The following KNL1 variants were observed in gnomAD, a reference collection of about 807,000 sequenced individuals.
KNL1 encodes outer kinetochore KNL1 complex subunit KNL1.
A neutral mutation model predicts 201.3 loss-of-function variants in KNL1; 66 were observed. That is an observed-to-expected ratio of 0.33 (90% CI 0.27 to 0.40). The LOEUF (loss-of-function observed/expected upper bound fraction) is 0.40, where lower values mean the gene tolerates loss of function less well. KNL1 is among the 10% of genes least tolerant of loss of function. The probability of loss-of-function intolerance (pLI) is 1.00; values close to 1 mark genes in which losing one functional copy is unlikely to be tolerated. For missense variants in KNL1, 2,815 were observed against 2,690.5 expected (o/e 1.05, Z -1.02); for synonymous variants, 895 against 899.2 (o/e 1.00, Z 0.08).
At chr15:40,654,474 C>G (rs1893660307) in intron 21 of KNL1, among the ~76,000 whole-genome samples, 1 of 150,968 alleles carries the variant, frequency 6.6e-6, no homozygotes, top group Non-Finnish European at 1.5e-5. Context: ...AATAATGATT[C>G]AAGGATAACC....
chr15:40,624,461 G>A lies in KNL1; in HGVS notation c.4197G>A (p.Leu1399=). The change falls in exon 10 of 26, where the codon TTG becomes TTA. Residue 1399 remains leucine, a synonymous_variant. Coordinates refer to ENST00000399668, the MANE Select transcript of KNL1 (RefSeq NM_144508.5). ...QDLIKDPRNL[L]ANQTLVYSQD... is the part of the protein sequence containing the mutation. ...TGATTAAGGATCCACGAAATCTATT[G>A]GCTAATCAAACTTTAGTATATAGTC... The A allele has an allele frequency of 6.2e-7, 1 of 1,613,694 alleles. No individual in the cohort carries two copies. The highest frequency in any genetic ancestry group is 8.5e-7 in the Non-Finnish European group (1 of 1,179,810).
intron 13 of KNL1, among the ~76,000 whole-genome samples, chr15:40,637,544 G>GT (rs1407585137): frequency 6.6e-6 from 1 of 152,112 alleles, no homozygotes; most frequent in Non-Finnish European, 1.5e-5. Context: ...AACCCAAAAT[G>GT]TTTGAGTGCT....
chr15:40,661,598 T>C (rs1243602017), intron 25 of KNL1, among the ~76,000 whole-genome samples: 2 of 152,228 alleles, frequency 1.3e-5, no homozygotes, highest in East Asian at 1.9e-4. Flanking sequence ...CAATTACATA[T>C]AGAATTGGTT....
intron 25 of KNL1, among the ~76,000 whole-genome samples, 169 bp downstream of exon 25, chr15:40,659,630 C>A (rs181328279): frequency 1.7e-3 from 252 of 151,758 alleles, no homozygotes; most frequent in Non-Finnish European, 2.8e-3. Context: ...GTAGCTGGGA[C>A]TACAGGCGCC....
At chr15:40,632,450 T>G (rs1421963209) in intron 13 of KNL1, among the ~76,000 whole-genome samples, 1 of 151,136 alleles carries the variant, frequency 6.6e-6, no homozygotes, top group Non-Finnish European at 1.5e-5. Flanking sequence ...CAAAATGAAA[T>G]AATTAGCCAG....
chr15:40,615,288 A>C (rs1892301238), intron 7 of KNL1, 53 bp from the exon 8 acceptor site: 1 of 535,182 alleles, frequency 1.9e-6, no homozygotes, highest in Non-Finnish European at 3.3e-6. Flanking sequence ...TTATTGAAAG[A>C]TTCTTGGTAA....
At position 40,625,278 on chromosome 15, in the gene KNL1, G is replaced by GAAC; in HGVS notation, c.5016_5018dup (p.Gln1673dup). The GAAC allele has an allele frequency of 6.2e-7, 1 of 1,614,046 alleles. No homozygotes were observed. The highest frequency in any genetic ancestry group is 8.5e-7 in the Non-Finnish European group (1 of 1,179,976). On this transcript the variant is annotated inframe_insertion, in exon 10 of 26. Transcript: ENST00000399668. ...TAGTGTCACTGGTATTGATGACCTG[G>GAAC]AACAGATTCCAGCAGACACAACTGA... is the stretch of plus-strand genomic sequence containing the variant.
chr15:40,620,852 A>G lies in KNL1; in HGVS notation c.588A>G (p.Lys196=), dbSNP rs774842941. 6.3e-7 allele frequency: 1 copy of G among 1,596,040 alleles called. No individual in the cohort carries two copies. The highest frequency in any genetic ancestry group is 8.5e-7 in the Non-Finnish European group (1 of 1,174,516). ...LKLHTEDSRM[K]KEVNFSVDQN... ...TTCACACCGAGGACTCAAGAATGAA[A>G]AAAGAAGTAAATTTTTCCGTGGATC... The change falls in exon 10 of 26, where the codon AAA becomes AAG. Residue 196 remains lysine (K), a synonymous_variant. Transcript: ENST00000399668.
At chr15:40,641,516 T>G (rs1160957685) in intron 14 of KNL1, among the ~76,000 whole-genome samples, 1 of 152,190 alleles carries the variant, frequency 6.6e-6, no homozygotes, top group Non-Finnish European at 1.5e-5. Flanking sequence ...CCAAAATGTT[T>G]TAGCCACCAA....
intron 17 of KNL1, among the ~76,000 whole-genome samples, chr15:40,649,608 A>T (rs1264422074): frequency 3.0e-5 from 4 of 134,152 alleles, no homozygotes; most frequent in East Asian, 2.2e-4. Context: ...TCTTTTATTT[A>T]AAAAAAAAAA....
At position 40,629,329 on chromosome 15, in the gene KNL1, C is replaced by T; in HGVS notation, c.5640C>T (p.His1880=). Residue 1880 remains histidine (H), a synonymous_variant, in exon 13 of 26, where the codon CAC becomes CAT. Coordinates refer to ENST00000399668, the MANE Select transcript of KNL1 (RefSeq NM_144508.5). ...IREFFILLQV[H]ILIQKPRQSN... Reference sequence around the variant, plus strand: ...AGTTCTTTATACTTCTCCAGGTCCACATCTTGATACAGAAACCCCGACAGA... The same window carrying T: ...AGTTCTTTATACTTCTCCAGGTCCATATCTTGATACAGAAACCCCGACAGA... 6.2e-7 allele frequency: 1 copy of T among 1,605,876 alleles called. No individual in the cohort carries two copies.
At chr15:40,625,770 G>T (rs919899701) in intron 10 of KNL1, 130 bp downstream of exon 10, 12 of 670,318 alleles carry the variant, frequency 1.8e-5, no homozygotes, top group Non-Finnish European at 3.1e-5. Flanking sequence ...CACTTAGAGG[G>T]CTGGAGAAAT....
At chr15:40,629,664 C>T (rs1052867100) in intron 13 of KNL1, among the ~76,000 whole-genome samples, 5 of 151,608 alleles carry the variant, frequency 3.3e-5, no homozygotes, top group Admixed American at 6.6e-5. Flanking sequence ...CCACCACACC[C>T]GGCTAATTTT....
chr15:40,647,212 C>T (rs1276973443), intron 17 of KNL1, 138 bp downstream of exon 17: 3 of 535,552 alleles, frequency 5.6e-6, no homozygotes, highest in African/African-American at 2.0e-5. Context: ...AATTGGCTCA[C>T]GCCTGTAATC....
intron 1 of KNL1, among the ~76,000 whole-genome samples, chr15:40,597,968 G>A (rs1005770480): frequency 1.3e-5 from 2 of 152,162 alleles, no homozygotes; most frequent in East Asian, 1.9e-4. Context: ...TGAAGAGTTC[G>A]AGACCAGCCT....
intron 25 of KNL1, among the ~76,000 whole-genome samples, chr15:40,661,078 A>T (rs1391690327): frequency 6.6e-6 from 1 of 151,782 alleles, no homozygotes; most frequent in Non-Finnish European, 1.5e-5. Context: ...CAGAGTTAAA[A>T]ATGTGCTCAC....
At position 40,594,301 on chromosome 15, in the gene KNL1, G is replaced by C. The variant is rs1055268372; in HGVS notation, c.-109G>C. ...CGGGCGTTGTGAGCGGACTGCTAGA[G>C]GCGGCTGTCTGTTTCCGCTCTAAGG... On this transcript the variant is annotated 5_prime_UTR_variant, in exon 1 of 26. Transcript: ENST00000399668. 6.6e-5 allele frequency: 10 copies of C among 152,306 alleles called. No individual in the cohort carries two copies. In the East Asian group the frequency reaches 1.9e-3, roughly 29 times the overall value. The allele number at this position is 152,306 out of a possible 1,614,324, so 9.4% of individuals were successfully genotyped here.
chr15:40,620,691 G>A lies in KNL1; in HGVS notation c.427G>A (p.Val143Ile). 6.2e-7 allele frequency: 1 copy of A among 1,602,594 alleles called. No homozygotes were observed. The highest frequency in any genetic ancestry group is 8.5e-7 in the Non-Finnish European group (1 of 1,176,866). Residue 143 changes from valine (V) to isoleucine (I), a missense_variant, in exon 10 of 26, where the codon GTC becomes ATC. Val to Ile is a conservative substitution (Grantham distance 29, BLOSUM62 3). Around this residue, in one of 3 missense-constraint regions of KNL1, gnomAD observed 2,464 missense variants for 2,291.7 expected, o/e 1.08. Transcript: ENST00000399668. Reference sequence around the variant, plus strand: ...AAGGAAACATGCAAATGACCAGACAGTCATTTTTTCAGATGAAAACCAGAT... The same window carrying A: ...AAGGAAACATGCAAATGACCAGACAATCATTTTTTCAGATGAAAACCAGAT... ...RERKHANDQT[V>I]IFSDENQMDL...
At chr15:40,635,856 G>C (rs1893041912) in intron 13 of KNL1, among the ~76,000 whole-genome samples, 1 of 152,082 alleles carries the variant, frequency 6.6e-6, no homozygotes, top group African/African-American at 2.4e-5. Context: ...GTAAGGGTGA[G>C]GATCTGTTTT....
Sources: allele counts gnomAD v4.1 joint callset (sites outside exome capture counted in the v4.1 genomes callset), GRCh38; gene constraint gnomAD v4.1.1; regional missense constraint gnomAD v4.1.1; transcripts MANE v1.5; gene names NCBI Gene and HGNC (gene_info 2026-07-23, HGNC 2026-07-21).